FEZ1: variants seen among roughly 807,000 people sequenced by gnomAD.
FEZ1 encodes fasciculation and elongation protein zeta 1.
Under a neutral mutation model 49.3 loss-of-function variants are expected in FEZ1, and 20 were observed. That is an observed-to-expected ratio of 0.41 (90% CI 0.29 to 0.59). FEZ1 has a LOEUF of 0.59. FEZ1 is among the 20% of genes least tolerant of loss of function. The pLI, the probability that FEZ1 is intolerant of heterozygous loss-of-function variation, is 0.36. For missense variants in FEZ1, 413 were observed against 476.0 expected, an observed-to-expected ratio of 0.87 and a Z score of 1.23; for synonymous variants, 170 against 180.9, an observed-to-expected ratio of 0.94 and a Z score of 0.48.
intron 3 of FEZ1, among the ~76,000 whole-genome samples, chr11:125,477,868 A>AG (rs1957246043): frequency 6.6e-6 from 1 of 151,890 alleles, no homozygotes; most frequent in Non-Finnish European, 1.5e-5. Flanking sequence ...AAAAAAAAAA[A>AG]AGGCAGCTAA....
chr11:125,464,647 T>C (rs1383711757), intron 3 of FEZ1, among the ~76,000 whole-genome samples: 3 of 152,248 alleles, frequency 2.0e-5, no homozygotes, highest in African/African-American at 7.2e-5. Context: ...TTCTGTGAGC[T>C]TTGCCTTGGC....
chr11:125,457,502 A>G (rs7943613), intron 5 of FEZ1, among the ~76,000 whole-genome samples: 14,521 of 107,066 alleles, frequency 0.14, 1,246 homozygotes, highest in East Asian at 0.2. Flanking sequence ...GTATATATGT[A>G]TATATATACA....
At chr11:125,446,364 C>T (rs1956899157) in intron 9 of FEZ1, among the ~76,000 whole-genome samples, 1 of 152,208 alleles carries the variant, frequency 6.6e-6, no homozygotes, top group South Asian at 2.1e-4. Context: ...GGGAAATTAA[C>T]TTCACCTTTC....
intron 3 of FEZ1, among the ~76,000 whole-genome samples, chr11:125,474,049 GA>G (rs1347724540): frequency 6.6e-6 from 1 of 150,866 alleles, no homozygotes; most frequent in Non-Finnish European, 1.5e-5. Flanking sequence ...TTTTGAGATG[GA>G]GTCTCACTCT....
At chr11:125,483,481 A>C (rs1041982141) in intron 2 of FEZ1, among the ~76,000 whole-genome samples, 3 of 152,312 alleles carry the variant, frequency 2.0e-5, no homozygotes, top group African/African-American at 7.2e-5. Context: ...TGATACCCTA[A>C]TCTCCATCAG....
intron 8 of FEZ1, 24 bp downstream of exon 8, chr11:125,452,310 T>C: frequency 6.5e-7 from 1 of 1,528,992 alleles, no homozygotes. Flanking sequence ...GCCACTGATC[T>C]GGCTGAGAAC....
intron 4 of FEZ1, among the ~76,000 whole-genome samples, chr11:125,461,377 C>T (rs980762390): frequency 7.9e-5 from 12 of 152,180 alleles, no homozygotes; most frequent in Non-Finnish European, 1.3e-4. Flanking sequence ...GAAGCCGAGG[C>T]AGGTGGATCA....
chr11:125,449,420 A>C (rs1394462528), intron 8 of FEZ1, among the ~76,000 whole-genome samples: 1 of 136,664 alleles, frequency 7.3e-6, no homozygotes, highest in African/African-American at 2.7e-5. Context: ...GTCTCTATAA[A>C]AAAAAAAAAA....
chr11:125,446,170 C>CT, intron 9 of FEZ1, 59 bp from the exon 10 acceptor site: 5 of 1,574,446 alleles, frequency 3.2e-6, no homozygotes, highest in Non-Finnish European at 4.4e-6. Context: ...TGGGGACCTC[C>CT]GAGCCCTGGA....
At chr11:125,446,205 C>T (rs536359633) in intron 9 of FEZ1, 94 bp from the exon 10 acceptor site, 11 of 1,188,496 alleles carry the variant, frequency 9.3e-6, no homozygotes, top group African/African-American at 3.0e-5. Context: ...AGCAGTCACA[C>T]CAGCTCCTGA....
rs980112959 is a variant in FEZ1, at chr11:125,443,622, C to G, written c.*2473G>C. ...ATGTGGGGCCTGAGATTTTGCATTT[C>G]TAACAAGCTTCTAAGTGCGGTCAGT... On this transcript the variant is annotated 3_prime_UTR_variant, in exon 10 of 10. Coordinates refer to ENST00000278919, the MANE Select transcript of FEZ1 (RefSeq NM_005103.5). 4.6e-5 allele frequency among the ~76,000 whole-genome samples: 7 copies of G among 152,184 alleles called. No individual in the cohort carries two copies. Among genetic ancestry groups the G allele is most frequent in the Admixed American group, 6.5e-5 (1 of 15,284 alleles).
chr11:125,460,962 G>A (rs1022581004), intron 4 of FEZ1, among the ~76,000 whole-genome samples: 8 of 152,278 alleles, frequency 5.3e-5, no homozygotes, highest in African/African-American at 1.9e-4. Context: ...GCCTGGAAGG[G>A]AACATTTACT....
rs561083181 is a variant in FEZ1 at position 125,490,776 on chromosome 11, C to T, written c.-45-954G>A. Among the ~76,000 whole-genome samples, 26 of 152,170 alleles carry T rather than the reference C, an allele frequency of 1.7e-4. No homozygotes were observed. In the East Asian group the frequency reaches 2.5e-3, roughly 15 times the overall value. ...TGCCTGAGTTGTTTTTGTTTCGTTT[C>T]GCTTTTGAGACATAGCTTCACTCTG... On this transcript the variant is annotated intron_variant, in intron 1 of 9. Coordinates refer to ENST00000278919, the MANE Select transcript of FEZ1 (RefSeq NM_005103.5).
chr11:125,476,971 G>A (rs916988872), intron 3 of FEZ1, among the ~76,000 whole-genome samples: 42 of 152,168 alleles, frequency 2.8e-4, no homozygotes, highest in African/African-American at 9.4e-4. Flanking sequence ...AGGGAAGGAC[G>A]TTCTCAGGAC....
intron 3 of FEZ1, among the ~76,000 whole-genome samples, chr11:125,469,376 A>G (rs1436229083): frequency 1.3e-5 from 2 of 152,158 alleles, no homozygotes; most frequent in East Asian, 3.8e-4. Context: ...CTCCCACCTC[A>G]GCCTCCTGAG....
intron 6 of FEZ1, among the ~76,000 whole-genome samples, chr11:125,454,607 A>G (rs928233026): frequency 5.3e-5 from 8 of 152,140 alleles, no homozygotes; most frequent in African/African-American, 1.9e-4. Context: ...CTGATGGGGG[A>G]AGTTTTTTTC....
intron 1 of FEZ1, among the ~76,000 whole-genome samples, chr11:125,493,459 AAAGAAGG>A: frequency 1.5e-5 from 1 of 65,824 alleles, no homozygotes. Context: ...GGAAAGAAGG[AAAGAAGG>A]AAAGAAGGAA....
chr11:125,493,362 A>AGAAAAGAAAGAAAGAAAGAAAG (rs1957403663), intron 1 of FEZ1, among the ~76,000 whole-genome samples: 1 of 49,532 alleles, frequency 2.0e-5, no homozygotes, highest in South Asian at 8.2e-4. Flanking sequence ...AGAAAGAGAG[A>AGAAAAGAAAGAAAGAAAGAAAG]AAAGAAAGAA....
chr11:125,482,453 A>G (rs1957290181), intron 2 of FEZ1, among the ~76,000 whole-genome samples: 1 of 152,240 alleles, frequency 6.6e-6, no homozygotes, highest in African/African-American at 2.4e-5. Context: ...TAAAATTCTG[A>G]TATGTACATT....
Sources: gnomAD v4.1 joint callset for allele counts (sites outside exome capture counted in the v4.1 genomes callset) on GRCh38, gnomAD v4.1.1 for gene constraint, MANE v1.5 for transcripts, NCBI Gene and HGNC (gene_info 2026-07-23, HGNC 2026-07-21) for gene names.